The following CAMKMT variants were observed in gnomAD, a reference collection of about 807,000 sequenced individuals.
CAMKMT encodes calmodulin-lysine N-methyltransferase, also known as CaM KMT.
In CAMKMT, 53 loss-of-function variants were observed where a neutral mutation model predicts 48.0. That is an observed-to-expected ratio of 1.10 (90% CI 0.89 to 1.39). The LOEUF (loss-of-function observed/expected upper bound fraction) is 1.39. Ranked by LOEUF, CAMKMT falls within the 40% of genes most tolerant of loss-of-function variation. The probability of loss-of-function intolerance (pLI) is 0.00; values close to 1 mark genes in which losing one functional copy is unlikely to be tolerated. For synonymous variants in CAMKMT, 165 were observed against 152.3 expected (o/e 1.08, Z -0.61); for missense variants, 428 against 402.7 (o/e 1.06, Z -0.54).
chr2:44,643,931 G>A (rs1012884007), intron 3 of CAMKMT, among the ~76,000 whole-genome samples: 1 of 152,128 alleles, frequency 6.6e-6, no homozygotes, highest in African/African-American at 2.4e-5. Flanking sequence ...TTGAGATGGT[G>A]GTATTGATGA....
chr2:44,476,547 T>G lies in CAMKMT; in HGVS notation c.376+86242T>G, dbSNP rs1279824636. ...TATTAAATCTTGTCATGTTCAGGGTTTTAGGGTTCTTAAAAATGTGTAAAG... is the reference window on the plus strand; with the variant it reads ...TATTAAATCTTGTCATGTTCAGGGTGTTAGGGTTCTTAAAAATGTGTAAAG... On this transcript the variant is annotated intron_variant, in intron 3 of 10. Transcript: ENST00000378494. 6.6e-5 allele frequency among the ~76,000 whole-genome samples: 10 copies of G among 152,042 alleles called. 1 individual carries two copies. The highest frequency in any genetic ancestry group is 1.5e-4 in the Non-Finnish European group (10 of 67,976).
intron 3 of CAMKMT, chr2:44,391,997 G>T (rs1681389264): frequency 6.6e-6 from 1 of 152,476 alleles, no homozygotes; most frequent in East Asian, 1.9e-4. Context: ...ATCTCTTAGG[G>T]CTGGCTGTGT....
intron 7 of CAMKMT, among the ~76,000 whole-genome samples, chr2:44,737,526 C>G (rs2104359356): frequency 6.6e-6 from 1 of 152,300 alleles, no homozygotes; most frequent in East Asian, 1.9e-4. Context: ...AGACAAGACC[C>G]TTCTGAGGAC....
chr2:44,727,787 T>C lies in CAMKMT; in HGVS notation c.623+12434T>C, dbSNP rs116658540. On this transcript the variant is annotated intron_variant, in intron 7 of 10. Coordinates refer to ENST00000378494, the MANE Select transcript of CAMKMT (RefSeq NM_024766.5). ...ATTATTTTGAGGTATGTTCCTTCTA[T>C]GCTTAGTCTGTTGAGGTTTTTTATC... 9.5e-3 allele frequency among the ~76,000 whole-genome samples: 1,443 copies of C among 152,348 alleles called. 12 individuals are homozygous for C. Among genetic ancestry groups the C allele is most frequent in the Non-Finnish European group, 0.014 (968 of 68,022 alleles).
At chr2:44,568,973 A>G (rs1430467400) in intron 3 of CAMKMT, among the ~76,000 whole-genome samples, 1 of 152,186 alleles carries the variant, frequency 6.6e-6, no homozygotes, top group African/African-American at 2.4e-5. Flanking sequence ...GGTGGTTGAA[A>G]TGTCAGTCTC....
Position 44,618,049 on chromosome 2 carries a change from A to G in CAMKMT, c.377-86234A>G, listed in dbSNP as rs1671986088. Among the ~76,000 whole-genome samples, 1 of 152,192 alleles carries G rather than the reference A, an allele frequency of 6.6e-6. No individual in the cohort carries two copies. Among genetic ancestry groups the G allele is most frequent in the Non-Finnish European group, 1.5e-5 (1 of 68,034 alleles). Reference sequence around the variant, plus strand: ...TCATCTCCTTCCTGTTTCTTTGTATACACTTCTAGTAGTTAAACTGATTTT... The same window carrying G: ...TCATCTCCTTCCTGTTTCTTTGTATGCACTTCTAGTAGTTAAACTGATTTT... On this transcript the variant is annotated intron_variant, in intron 3 of 10. Transcript: ENST00000378494. The surrounding 1 kb of genome is among the most constrained non-coding windows in gnomAD (Gnocchi z 4.0).
intron 3 of CAMKMT, among the ~76,000 whole-genome samples, chr2:44,458,140 C>T (rs1056681659): frequency 1.1e-4 from 17 of 149,178 alleles, no homozygotes; most frequent in African/African-American, 3.7e-4. Flanking sequence ...TCTGCCTCCC[C>T]GGTTCAAACG....
intron 3 of CAMKMT, among the ~76,000 whole-genome samples, chr2:44,469,956 T>C (rs986367755): frequency 6.6e-6 from 1 of 152,022 alleles, no homozygotes; most frequent in Non-Finnish European, 1.5e-5. Context: ...TATTTAAATA[T>C]CTTCTATTGC....
intron 3 of CAMKMT, among the ~76,000 whole-genome samples, chr2:44,636,444 A>T (rs1282784719): frequency 2.6e-5 from 4 of 152,230 alleles, no homozygotes; most frequent in Admixed American, 6.5e-5. Flanking sequence ...GGCTTGCTTC[A>T]GCTCAGCAGG....
intron 3 of CAMKMT, among the ~76,000 whole-genome samples, chr2:44,553,666 TTTG>T (rs1336960233): frequency 2.6e-5 from 4 of 152,304 alleles, no homozygotes; most frequent in South Asian, 2.1e-4. Flanking sequence ...TGGCCACGTT[TTTG>T]TTGTTGTTGT....
chr2:44,639,765 T>C (rs367668230), intron 3 of CAMKMT, among the ~76,000 whole-genome samples: 1 of 152,226 alleles, frequency 6.6e-6, no homozygotes, highest in African/African-American at 2.4e-5. Context: ...TTCAACCTAT[T>C]TTTCAGGGTG....
intron 6 of CAMKMT, among the ~76,000 whole-genome samples, 178 bp downstream of exon 6, chr2:44,707,640 GT>G (rs1677638317): frequency 6.6e-6 from 1 of 152,044 alleles, no homozygotes; most frequent in Non-Finnish European, 1.5e-5. Flanking sequence ...AACTCCGTAG[GT>G]TTTTTTCTTT....
intron 3 of CAMKMT, among the ~76,000 whole-genome samples, chr2:44,420,636 G>C (rs967982769): frequency 6.6e-5 from 10 of 151,538 alleles, no homozygotes; most frequent in African/African-American, 2.4e-4. Context: ...ATAAAACCTG[G>C]GAGCAGTGAG....
chr2:44,546,383 G>A (rs1206679476), intron 3 of CAMKMT, among the ~76,000 whole-genome samples: 1 of 152,148 alleles, frequency 6.6e-6, no homozygotes, highest in African/African-American at 2.4e-5. Flanking sequence ...ATCAGAGCAG[G>A]CTCAGCCTCA....
intron 3 of CAMKMT, among the ~76,000 whole-genome samples, chr2:44,501,459 C>T (rs1346450983): frequency 6.6e-6 from 1 of 152,112 alleles, no homozygotes; most frequent in African/African-American, 2.4e-5. Flanking sequence ...CGTGTTTCTA[C>T]TAGAATATAG....
intron 3 of CAMKMT, among the ~76,000 whole-genome samples, chr2:44,538,877 C>A (rs770094350): frequency 9.9e-5 from 15 of 151,906 alleles, no homozygotes; most frequent in Non-Finnish European, 2.2e-4. Context: ...TTACATCTGT[C>A]CCATTTATTA....
chr2:44,749,289 G>A (rs1263992262), intron 8 of CAMKMT, among the ~76,000 whole-genome samples: 1 of 152,170 alleles, frequency 6.6e-6, no homozygotes, highest in Non-Finnish European at 1.5e-5. Context: ...AACCTAGTCT[G>A]TTGAAATATC....
At chr2:44,525,192 A>C (rs1340219051) in intron 3 of CAMKMT, among the ~76,000 whole-genome samples, 1 of 152,200 alleles carries the variant, frequency 6.6e-6, no homozygotes, top group African/African-American at 2.4e-5. Context: ...AGAACTGTTC[A>C]TGTTTAGCTT....
At chr2:44,566,615 CA>C (rs1419499542) in intron 3 of CAMKMT, among the ~76,000 whole-genome samples, 1 of 151,788 alleles carries the variant, frequency 6.6e-6, no homozygotes, top group African/African-American at 2.4e-5. Context: ...TTTGCCACAG[CA>C]GCAAAAAATG....
Sources: allele counts gnomAD v4.1 joint callset (sites outside exome capture counted in the v4.1 genomes callset), GRCh38; gene constraint gnomAD v4.1.1; non-coding constraint Gnocchi (gnomAD v3.1); transcripts MANE v1.5; gene names NCBI Gene and HGNC (gene_info 2026-07-23, HGNC 2026-07-21).